SPIRE2: variants seen among roughly 807,000 people sequenced by gnomAD.
SPIRE2 encodes spire type actin nucleation factor 2.
Under a neutral mutation model 80.7 loss-of-function variants are expected in SPIRE2, and 76 were observed. The observed-to-expected ratio is 0.94, with a 90% CI of 0.78 to 1.14. SPIRE2 has a LOEUF of 1.14. Among genes scored for constraint, SPIRE2 ranks in the 50% most tolerant of loss-of-function variants. The probability of loss-of-function intolerance (pLI) is 0.00; values close to 1 mark genes in which losing one functional copy is unlikely to be tolerated. For missense variants in SPIRE2, 1,196 were observed against 1,015.3 expected, an observed-to-expected ratio of 1.18 and a Z score of -2.42; for synonymous variants, 535 against 432.6, an observed-to-expected ratio of 1.24 and a Z score of -2.94.
chr16:89,859,714 C>T (rs780326360), intron 9 of SPIRE2, among the ~76,000 whole-genome samples: 11 of 152,186 alleles, frequency 7.2e-5, no homozygotes, highest in African/African-American at 2.4e-5. Context: ...GCCGGCTGGG[C>T]TCGCAGCACA....
chr16:89,856,077 T>TGCTTCCCCACCGCAGGTCTC (rs1555597825), intron 6 of SPIRE2, 36 bp from the exon 7 acceptor site: 61 of 1,594,924 alleles, frequency 3.8e-5, no homozygotes, highest in Admixed American at 1.0e-4. Flanking sequence ...CCGCAGGTCC[T>TGCTTCCCCACCGCAGGTCTC]GCTTCCCCAC....
At chr16:89,868,577 ATGTCAGCTGGGCACGGTGGC>A in intron 13 of SPIRE2, among the ~76,000 whole-genome samples, 1 of 152,226 alleles carries the variant, frequency 6.6e-6, no homozygotes, top group Admixed American at 6.5e-5. Context: ...ATTTAAAAGT[ATGTCAGCTGGGCACGGTGGC>A]TCACACCTGT....
chr16:89,843,605 C>G (rs1045433989), intron 1 of SPIRE2, among the ~76,000 whole-genome samples: 2 of 145,010 alleles, frequency 1.4e-5, no homozygotes, highest in African/African-American at 5.1e-5. Flanking sequence ...TGTCTCATCT[C>G]AGACCACAGG....
chr16:89,833,727 G>A (rs934912380), intron 1 of SPIRE2, among the ~76,000 whole-genome samples: 2 of 152,236 alleles, frequency 1.3e-5, no homozygotes, highest in African/African-American at 4.8e-5. Context: ...CTGCACCTGT[G>A]CACTCGCTGG....
At chr16:89,868,303 C>A in intron 13 of SPIRE2, 87 bp downstream of exon 13, 1 of 1,313,400 alleles carries the variant, frequency 7.6e-7, no homozygotes, top group African/African-American at 1.5e-5. Flanking sequence ...ATGATGCTGC[C>A]TCACCAGGCA....
intron 1 of SPIRE2, among the ~76,000 whole-genome samples, chr16:89,841,183 CAA>C (rs757371405): frequency 7.7e-4 from 86 of 111,790 alleles, no homozygotes; most frequent in Non-Finnish European, 1.0e-3. Context: ...CACCTTGTTT[CAA>C]AAAAAAAAAA....
At chr16:89,838,672 A>C (rs2041474441) in intron 1 of SPIRE2, among the ~76,000 whole-genome samples, 1 of 152,084 alleles carries the variant, frequency 6.6e-6, no homozygotes, top group Non-Finnish European at 1.5e-5. Context: ...TCACTCTCAC[A>C]CCTTGATTTC....
intron 2 of SPIRE2, among the ~76,000 whole-genome samples, chr16:89,848,252 T>A (rs937187788): frequency 6.6e-6 from 1 of 152,228 alleles, no homozygotes; most frequent in Non-Finnish European, 1.5e-5. Flanking sequence ...GCCAGGGCCC[T>A]GCTGTCACTG....
intron 1 of SPIRE2, among the ~76,000 whole-genome samples, chr16:89,834,179 CTGG>C (rs2041417593): frequency 4.5e-5 from 5 of 109,934 alleles, no homozygotes; most frequent in Admixed American, 9.6e-5. Context: ...TCGTAGAAGC[CTGG>C]ATAAGCATAG....
At chr16:89,865,933 A>G (rs2143829173) in intron 12 of SPIRE2, among the ~76,000 whole-genome samples, 1 of 138,504 alleles carries the variant, frequency 7.2e-6, no homozygotes, top group African/African-American at 2.8e-5. Flanking sequence ...GCGCCACTGC[A>G]CTCCAGACTG....
At position 89,858,511 on chromosome 16, in the gene SPIRE2, A is replaced by C; in HGVS notation, c.1272+4A>C. 1.3e-6 allele frequency: 2 copies of C among 1,572,258 alleles called. No homozygotes were observed. Among genetic ancestry groups the C allele is most frequent in the Non-Finnish European group, 1.7e-6 (2 of 1,159,768 alleles). On this transcript the variant is annotated splice_donor_region_variant and intron_variant, in intron 8 of 14. Coordinates refer to ENST00000378247, the MANE Select transcript of SPIRE2 (RefSeq NM_032451.2). The stretch of plus-strand genomic sequence containing the variant: ...GGAAGAGATGAATACATCTGAGGTC[A>C]GAACCCATGGGGATTCCTGAAAAGA...
intron 2 of SPIRE2, among the ~76,000 whole-genome samples, chr16:89,848,789 G>A (rs1039678778): frequency 1.3e-5 from 2 of 149,184 alleles, no homozygotes; most frequent in Non-Finnish European, 3.0e-5. Flanking sequence ...AGGACCTTCT[G>A]TGGTGTTTCT....
chr16:89,845,485 G>T, intron 2 of SPIRE2, 120 bp downstream of exon 2: 1 of 922,938 alleles, frequency 1.1e-6, no homozygotes. Flanking sequence ...GGGTGCAGAT[G>T]AAGTACCCAA....
At chr16:89,853,697 G>A (rs968181422) in intron 3 of SPIRE2, among the ~76,000 whole-genome samples, 5 of 148,524 alleles carry the variant, frequency 3.4e-5, no homozygotes, top group Non-Finnish European at 6.0e-5. Context: ...CAGAGGCTGC[G>A]TGCCACCGAG....
intron 13 of SPIRE2, among the ~76,000 whole-genome samples, chr16:89,868,744 A>C (rs894867175): frequency 1.3e-5 from 2 of 151,988 alleles, no homozygotes; most frequent in South Asian, 4.1e-4. Context: ...AATCCTAGCT[A>C]CTCAGGAGGC....
intron 10 of SPIRE2, 130 bp downstream of exon 10, chr16:89,860,925 G>C (rs768218285): frequency 1.0e-5 from 6 of 572,336 alleles, no homozygotes; most frequent in South Asian, 4.6e-5. Context: ...GCGTCCGTCT[G>C]GGGGGGCGCG....
chr16:89,859,104 G>C, intron 8 of SPIRE2, 61 bp from the exon 9 acceptor site: 1 of 1,424,658 alleles, frequency 7.0e-7, no homozygotes, highest in Non-Finnish European at 9.5e-7. Flanking sequence ...TTCATTCCAG[G>C]CATGGGCAGG....
At chr16:89,855,500 G>A (rs1224233615) in intron 5 of SPIRE2, 100 bp from the exon 6 acceptor site, 107 of 1,027,596 alleles carry the variant, frequency 1.0e-4, no homozygotes, top group Non-Finnish European at 1.5e-4. Context: ...GCGGGTAGGT[G>A]CGAAGACCAG....
intron 1 of SPIRE2, among the ~76,000 whole-genome samples, chr16:89,840,636 A>ATTTTTT (rs10708235): frequency 8.6e-6 from 1 of 116,882 alleles, no homozygotes; most frequent in African/African-American, 3.5e-5. Context: ...AAGTTTTCAA[A>ATTTTTT]TTTTTTTTTT....
Sources: gnomAD v4.1 joint callset for allele counts (sites outside exome capture counted in the v4.1 genomes callset) on GRCh38, gnomAD v4.1.1 for gene constraint, MANE v1.5 for transcripts, NCBI Gene and HGNC (gene_info 2026-07-23, HGNC 2026-07-21) for gene names.